Variants in EXTL1 observed in about 807,000 individuals in gnomAD.
EXTL1 encodes exostosin like glycosyltransferase 1.
Under a neutral mutation model 64.6 loss-of-function variants are expected in EXTL1, and 43 were observed. That is an observed-to-expected ratio of 0.67 (90% CI 0.52 to 0.86). The LOEUF is 0.86. EXTL1 is among the 40% of genes least tolerant of loss of function. The pLI is 0.00. For synonymous variants in EXTL1, 352 were observed against 360.5 expected, an observed-to-expected ratio of 0.98 and a Z score of 0.27; for missense variants, 766 against 879.0, an observed-to-expected ratio of 0.87 and a Z score of 1.62.
Position 26,034,512 on chromosome 1 carries a change from T to C in EXTL1, c.1680-324T>C, listed in dbSNP as rs1231285936. On this transcript the variant is annotated intron_variant, in intron 9 of 10. Transcript: ENST00000374280. This position sits in a 1 kb window ranked among gnomAD's most constrained non-coding sequence, Gnocchi z 4.6. ...GCCTGGTTCATCCACAACTGTTCTT[T>C]GGGCTTCCATGTTTGATGGCTTTGA... Among the ~76,000 whole-genome samples, 2 of 152,200 alleles carry C rather than the reference T, an allele frequency of 1.3e-5. No homozygotes were observed. The highest frequency in any genetic ancestry group is 2.9e-5 in the Non-Finnish European group (2 of 68,040).
Position 26,031,544 on chromosome 1 carries a change from C to T in EXTL1, c.1319C>T (p.Ala440Val). Residue 440 changes from alanine to valine, a missense_variant, in exon 6 of 11, where the codon GCA becomes GTA. Physicochemically the swap from Ala to Val is moderately conservative, Grantham distance 64. Coordinates refer to ENST00000374280, the MANE Select transcript of EXTL1 (RefSeq NM_004455.3). ...QPPLKLIQAV[A>V]GSQHCAQILV... ...CCTCTGAAGCTCATCCAGGCGGTGG[C>T]AGGCTCCCAGCACTGTGCCCAGGTC... The T allele has an allele frequency of 6.3e-7, 1 of 1,594,526 alleles. No homozygotes were observed.
rs1406544364 is a variant in EXTL1 at position 26,022,753 on chromosome 1, C to G, written c.107C>G (p.Pro36Arg). The stretch of plus-strand genomic sequence containing the variant: ...TCCCTTCTCCGCCTGGCATTGCCTC[C>G]CAGACCTCGGCCCGGGGCTTCCCAA... Reference protein sequence around the residue: ...GFSLLRLALPPRPRPGASQGW... With the variant: ...GFSLLRLALPRRPRPGASQGW... The change falls in exon 1 of 11, where the codon CCC (proline) becomes CGC (arginine). Residue 36 changes from proline (P) to arginine (R), a missense_variant. By Grantham distance (103) the Pro-to-Arg change is moderately radical (BLOSUM62 -2). Transcript: ENST00000374280. The G allele has an allele frequency of 5.0e-6, 8 of 1,614,108 alleles. No homozygotes were observed. The highest frequency in any genetic ancestry group is 6.8e-6 in the Non-Finnish European group (8 of 1,179,994).
At position 26,034,661 on chromosome 1, in the gene EXTL1, CG is replaced by C. The variant is rs2050319954; in HGVS notation, c.1680-171del. Among the ~76,000 whole-genome samples the C allele has an allele frequency of 6.6e-6, 1 of 152,146 alleles. No homozygotes were observed. Among genetic ancestry groups the C allele is most frequent in the African/African-American group, 2.4e-5 (1 of 41,420 alleles). On this transcript the variant is annotated intron_variant, in intron 9 of 10. Transcript: ENST00000374280. This position sits in a 1 kb window ranked among gnomAD's most constrained non-coding sequence, Gnocchi z 4.6. ...CACACCACTAACTGCAGATAAGCCA[CG>C]GGGCACAGCACAATGGAGAGCTGTT... is the stretch of plus-strand genomic sequence containing the variant.
rs982868743 is a variant in EXTL1, at chr1:26,022,037, A to T, written c.-610A>T. ...ACCTCAGCTGACGCCGATGATCCAC[A>T]TGGGATGCAGGGTCTAATTTTAGCT... On this transcript the variant is annotated 5_prime_UTR_variant, in exon 1 of 11. An upstream start codon of the reference 5' UTR is lost. Coordinates refer to ENST00000374280, the MANE Select transcript of EXTL1 (RefSeq NM_004455.3). The T allele has an allele frequency of 6.6e-6, 1 of 152,522 alleles. No individual in the cohort carries two copies. Among genetic ancestry groups the T allele is most frequent in the African/African-American group, 2.4e-5 (1 of 41,438 alleles). The allele number at this position is 152,522 out of a possible 1,614,324, so 9.4% of individuals were successfully genotyped here.
In EXTL1 at chr1:26,035,673, A is replaced by G. The variant is rs778996289; in HGVS notation, c.*326A>G. ...TGGCCCTCCTCCCCCTCCGCCCCCA[A>G]TGGGTTCGGTCTCCTTTGCGCTTTC... On this transcript the variant is annotated 3_prime_UTR_variant, in exon 11 of 11. Coordinates refer to ENST00000374280, the MANE Select transcript of EXTL1 (RefSeq NM_004455.3). The surrounding 1 kb of genome is among the most constrained non-coding windows in gnomAD (Gnocchi z 5.3). 2 of 256,226 alleles carry G rather than the reference A, an allele frequency of 7.8e-6. No homozygotes were observed. Among genetic ancestry groups the G allele is most frequent in the Non-Finnish European group, 1.5e-5 (2 of 133,976 alleles). The allele number at this position is 256,226 out of a possible 1,614,324, so 15.9% of individuals were successfully genotyped here.
At chr1:26,031,430 A>C (rs754924043) in intron 5 of EXTL1, 30 bp from the exon 6 acceptor site, 1 of 1,401,784 alleles carries the variant, frequency 7.1e-7, no homozygotes. Flanking sequence ...GTTCCCTCCC[A>C]CTCTAATAGC....
rs1216866457 is a variant in EXTL1, at chr1:26,031,147, A to G, written c.1117A>G (p.Ile373Val). The G allele has an allele frequency of 8.7e-6, 14 of 1,613,674 alleles. No homozygotes were observed. The highest frequency in any genetic ancestry group is 1.7e-5 in the Admixed American group (1 of 59,954). The change falls in exon 5 of 11, where the codon ATT becomes GTT. Residue 373 changes from isoleucine (I) to valine (V), a missense_variant. Physicochemically the swap from Ile to Val is conservative, Grantham distance 29. Coordinates refer to ENST00000374280, the MANE Select transcript of EXTL1 (RefSeq NM_004455.3). ...HTTLEVIQDR[I>V]FGTSAHPSLL... ...CTCATTTTAGGTTATTCAGGACCGG[A>G]TTTTTGGAACATCAGCTCACCCCTC...
At position 26,033,111 on chromosome 1, in the gene EXTL1, G is replaced by A; in HGVS notation, c.1432-118G>A. 1 of 739,852 alleles carries A rather than the reference G, an allele frequency of 1.4e-6. No homozygotes were observed. The highest frequency in any genetic ancestry group is 2.4e-6 in the Non-Finnish European group (1 of 416,942). The allele number at this position is 739,852 out of a possible 1,614,324, so 45.8% of individuals were successfully genotyped here. On this transcript the variant is annotated intron_variant, in intron 7 of 10. Coordinates refer to ENST00000374280, the MANE Select transcript of EXTL1 (RefSeq NM_004455.3). The surrounding 1 kb of genome is among the most constrained non-coding windows in gnomAD (Gnocchi z 5.1). ...AGGCCCAGGCGTCTACACTGTGCCTGAAGGGAGGCTTTATTCATGGCTCAG... is the reference window on the plus strand; with the variant it reads ...AGGCCCAGGCGTCTACACTGTGCCTAAAGGGAGGCTTTATTCATGGCTCAG...
Position 26,022,663 on chromosome 1 carries a change from G to A in EXTL1, c.17G>A (p.Arg6Lys), listed in dbSNP as rs753626465. ...GGTGGCCACATGCAGTCGTGGAGGA[G>A]AAGAAAGTCCCTGTGGCTGGCACTG... MQSWR[R>K]RKSLWLALSA... The change falls in exon 1 of 11, where the codon AGA becomes AAA. Residue 6 changes from arginine to lysine, a missense_variant. Physicochemically the swap from Arg to Lys is conservative, Grantham distance 26 (BLOSUM62 2). This residue lies in a region of EXTL1 where 571 missense variants were observed against 647.6 expected (regional missense o/e 0.88). Coordinates refer to ENST00000374280, the MANE Select transcript of EXTL1 (RefSeq NM_004455.3). The A allele has an allele frequency of 3.7e-6, 6 of 1,602,466 alleles. No individual in the cohort carries two copies. Among genetic ancestry groups the A allele is most frequent in the Middle Eastern group, 1.7e-4 (1 of 6,024 alleles).
chr1:26,023,198 C>G lies in EXTL1; in HGVS notation c.552C>G (p.Ser184Arg), dbSNP rs766904224. The stretch of plus-strand genomic sequence containing the variant: ...GACAGGCTATGGTGGCTGAGGCCAG[C>G]CCCACGGTGGACTCCTTCCGGCCCG... The part of the protein sequence containing the change: ...QLGQAMVAEA[S>R]PTVDSFRPGF... The change falls in exon 1 of 11, where the codon AGC becomes AGG. Residue 184 changes from serine (S) to arginine (R), a missense_variant. By Grantham distance (110) the Ser-to-Arg change is moderately radical. Transcript: ENST00000374280. 1 of 1,613,230 alleles carries G rather than the reference C, an allele frequency of 6.2e-7. No individual in the cohort carries two copies.
In EXTL1 at chr1:26,032,463, C is replaced by G; in HGVS notation, c.1409C>G (p.Thr470Arg). The change falls in exon 7 of 11, where the codon ACA becomes AGA. Residue 470 changes from threonine to arginine, a missense_variant. This residue lies in a region of EXTL1 where 571 missense variants were observed against 647.6 expected (regional missense o/e 0.88). Transcript: ENST00000374280. Reference sequence around the variant, plus strand: ...TGGCCGGAGACAGCTGTGCCCTTGACAGTCATTGATGGGCACAGGAAGGTA... The same window carrying G: ...TGGCCGGAGACAGCTGTGCCCTTGAGAGTCATTGATGGGCACAGGAAGGTA... Reference protein sequence around the residue: ...SRWPETAVPLTVIDGHRKVSD... With the variant: ...SRWPETAVPLRVIDGHRKVSD... The G allele has an allele frequency of 6.4e-7, 1 of 1,552,474 alleles. No individual in the cohort carries two copies. The highest frequency in any genetic ancestry group is 1.2e-5 in the South Asian group (1 of 84,088).
intron 1 of EXTL1, among the ~76,000 whole-genome samples, chr1:26,028,078 G>A (rs2124405760): frequency 6.6e-6 from 1 of 152,318 alleles, no homozygotes; most frequent in South Asian, 2.1e-4. Context: ...GGTGAAGGGT[G>A]TCCTGATGCT....
At chr1:26,032,245 G>T in intron 6 of EXTL1, 151 bp from the exon 7 acceptor site, 1 of 534,218 alleles carries the variant, frequency 1.9e-6, no homozygotes. Context: ...AGCGGTGAAA[G>T]GACCATGGAT....
In EXTL1 at chr1:26,023,139, C is replaced by T; in HGVS notation, c.493C>T (p.His165Tyr). The change falls in exon 1 of 11, where the codon CAC (histidine) becomes TAC (tyrosine). Residue 165 changes from histidine (H) to tyrosine (Y), a missense_variant. Physicochemically the swap from His to Tyr is moderately conservative, Grantham distance 83 (BLOSUM62 2). This residue lies in a region of EXTL1 where 571 missense variants were observed against 647.6 expected (regional missense o/e 0.88). Transcript: ENST00000374280. Reference protein sequence around the residue: ...RGRNHLVLRLHPAPCPRTFQL... With the variant: ...RGRNHLVLRLYPAPCPRTFQL... ...CAGGAACCATCTGGTCCTCCGTCTC[C>T]ACCCGGCTCCCTGCCCCAGGACCTT... The T allele has an allele frequency of 1.9e-6, 3 of 1,613,984 alleles. No individual in the cohort carries two copies. Among genetic ancestry groups the T allele is most frequent in the Non-Finnish European group, 2.5e-6 (3 of 1,180,026 alleles).
chr1:26,023,351 G>A lies in EXTL1; in HGVS notation c.705G>A (p.Gly235=). 1 of 1,495,366 alleles carries A rather than the reference G, an allele frequency of 6.7e-7. No homozygotes were observed. The highest frequency in any genetic ancestry group is 8.9e-7 in the Non-Finnish European group (1 of 1,120,562). 92.6% of individuals were successfully genotyped at this position (1,495,366 alleles called of 1,614,324 possible). ...TAGCCCTGGAAGAGGAGAGGGGTGG[G>A]TGGCGCACAGCAGACACTGGCTCCT... is the stretch of plus-strand genomic sequence containing the variant. ...ALLALEEERG[G]WRTADTGSSA... is the part of the protein sequence containing the mutation. The change falls in exon 1 of 11, where the codon GGG becomes GGA. Residue 235 remains glycine (G), a synonymous_variant. Coordinates refer to ENST00000374280, the MANE Select transcript of EXTL1 (RefSeq NM_004455.3).
In EXTL1 at chr1:26,025,552, T is replaced by C. The variant is rs2050205400; in HGVS notation, c.779+2127T>C. On this transcript the variant is annotated intron_variant, in intron 1 of 10. Transcript: ENST00000374280. The surrounding 1 kb of genome is among the most constrained non-coding windows in gnomAD (Gnocchi z 5.3). ...GAGTTGGGATTCAACCCTGTACTTC[T>C]GGCTCCAAAGCCCATGTTTTTCCAC... Among the ~76,000 whole-genome samples, 1 of 152,256 alleles carries C rather than the reference T, an allele frequency of 6.6e-6. No homozygotes were observed. Among genetic ancestry groups the C allele is most frequent in the Admixed American group, 6.5e-5 (1 of 15,286 alleles).
At position 26,034,834 on chromosome 1, in the gene EXTL1, A is replaced by G. The variant is rs765873819; in HGVS notation, c.1680-2A>G. ...CTCTCCCTGTCTTTTCCTCTTGCCC[A>G]GGTATTACCACACTCTCTTCACCCA... On this transcript the variant is annotated splice_acceptor_variant, in intron 9 of 10. Transcript: ENST00000374280. LOFTEE classifies it high-confidence loss of function. This position sits in a 1 kb window ranked among gnomAD's most constrained non-coding sequence, Gnocchi z 4.6. 1.1e-5 allele frequency: 18 copies of G among 1,612,010 alleles called. No homozygotes were observed. The South Asian group carries it at 1.4e-4, about 13-fold the overall frequency.
chr1:26,022,370 CT>C lies in EXTL1; in HGVS notation c.-275del, dbSNP rs1196935013. On this transcript the variant is annotated 5_prime_UTR_variant, in exon 1 of 11. The change creates a premature stop within an existing upstream ORF in the 5' untranslated region. Transcript: ENST00000374280. ...TCCCTGCTGGGAGGGAAAAGGCTGG[CT>C]TGGTTGTCCAAAGGCCGAGAAGGCA... is the stretch of plus-strand genomic sequence containing the variant. 1 of 407,066 alleles carries C rather than the reference CT, an allele frequency of 2.5e-6. No homozygotes were observed. Among genetic ancestry groups the C allele is most frequent in the Non-Finnish European group, 4.4e-6 (1 of 228,296 alleles). 25.2% of individuals were successfully genotyped at this position (407,066 alleles called of 1,614,324 possible). A position where few individuals can be genotyped will look rare whatever the true frequency, so the allele number is the denominator to read the frequency against.
In EXTL1 at chr1:26,035,401, C is replaced by T. The variant is rs1267926650; in HGVS notation, c.*54C>T. On this transcript the variant is annotated 3_prime_UTR_variant, in exon 11 of 11. Transcript: ENST00000374280. The surrounding 1 kb of genome is among the most constrained non-coding windows in gnomAD (Gnocchi z 5.3). ...GGTCGCAGCCCAGCTCCCAGGGGGC[C>T]CGGCGCCTGCCGGCGGGCTCCGCTC... 6.8e-6 allele frequency: 10 copies of T among 1,477,304 alleles called. No individual in the cohort carries two copies. Among genetic ancestry groups the T allele is most frequent in the South Asian group, 2.5e-5 (2 of 78,794 alleles). The allele number at this position is 1,477,304 out of a possible 1,614,324, so 91.5% of individuals were successfully genotyped here.
Sources: allele counts gnomAD v4.1 joint callset (sites outside exome capture counted in the v4.1 genomes callset), GRCh38; gene constraint gnomAD v4.1.1; regional missense constraint gnomAD v4.1.1; non-coding constraint Gnocchi (gnomAD v3.1); transcripts MANE v1.5; gene names NCBI Gene and HGNC (gene_info 2026-07-23, HGNC 2026-07-21).